The following CABIN1 variants were observed in gnomAD, a reference collection of about 807,000 sequenced individuals.
The protein encoded by CABIN1 is calcineurin-binding protein cabin-1.
CABIN1 carries 133 observed loss-of-function variants against 227.7 expected under a neutral mutation model. That is an observed-to-expected ratio of 0.58 (90% CI 0.51 to 0.67). CABIN1 has a LOEUF of 0.67. Ranked by LOEUF, CABIN1 falls within the 30% of genes least tolerant of loss-of-function variation. CABIN1 has a pLI of 0.00. For missense variants in CABIN1, 2,408 were observed against 2,852.5 expected, an observed-to-expected ratio of 0.84 and a Z score of 3.55; for synonymous variants, 1,086 against 1,155.1, an observed-to-expected ratio of 0.94 and a Z score of 1.21.
chr22:24,091,784 C>CGCTA lies in CABIN1; in HGVS notation c.3728_3731dup (p.Tyr1244Ter), dbSNP rs1569200571. The CGCTA allele has an allele frequency of 6.2e-7, 1 of 1,613,906 alleles. No individual in the cohort carries two copies. Among genetic ancestry groups the CGCTA allele is most frequent in the Admixed American group, 1.7e-5 (1 of 60,024 alleles). The stretch of plus-strand genomic sequence containing the variant: ...CCACTACCTGCACGAGGAGGCTGCC[C>CGCTA]GCTACCCCAAGAAGATCCACTACCA... On this transcript the variant is annotated stop_gained and frameshift_variant, in exon 24 of 37. Transcript: ENST00000263119. LOFTEE classifies it high-confidence loss of function.
chr22:24,123,781 C>T lies in CABIN1; in HGVS notation c.4632+4083C>T, dbSNP rs75378984. Among the ~76,000 whole-genome samples the T allele has an allele frequency of 7.1e-3, 1,079 of 152,346 alleles. 10 individuals carry two copies. The highest frequency in any genetic ancestry group is 0.012 in the Non-Finnish European group (824 of 68,030). On this transcript the variant is annotated intron_variant, in intron 28 of 36. Coordinates refer to ENST00000263119, the MANE Select transcript of CABIN1 (RefSeq NM_012295.4). ...CAGCTGTTTGTTAACAAACACTTCC[C>T]GCTGTGTATATTTGACAGCAGCACA...
intron 1 of CABIN1, among the ~76,000 whole-genome samples, chr22:24,014,543 AG>A (rs1163588346): frequency 1.3e-5 from 2 of 152,158 alleles, no homozygotes; most frequent in Non-Finnish European, 2.9e-5. Flanking sequence ...TATCCAGTCA[AG>A]ATACCATTTT....
chr22:24,042,754 C>G (rs2037474666), intron 5 of CABIN1, 150 bp from the exon 6 acceptor site: 4 of 709,216 alleles, frequency 5.6e-6, no homozygotes, highest in African/African-American at 1.8e-5. Context: ...CTGGGAAGTT[C>G]AAGTGGCTGT....
chr22:24,015,928 A>G (rs1480730088), intron 1 of CABIN1, among the ~76,000 whole-genome samples: 1 of 152,196 alleles, frequency 6.6e-6, no homozygotes, highest in East Asian at 1.9e-4. Context: ...ACTGCACTCC[A>G]GCCAGGGCGA....
chr22:24,073,589 A>G (rs554918362), intron 18 of CABIN1, among the ~76,000 whole-genome samples: 3 of 152,124 alleles, frequency 2.0e-5, no homozygotes, highest in Non-Finnish European at 4.4e-5. Flanking sequence ...TGGCCTTGAC[A>G]GGTTTGTGAT....
chr22:24,128,668 C>T (rs146326817), intron 28 of CABIN1, among the ~76,000 whole-genome samples: 2 of 152,348 alleles, frequency 1.3e-5, no homozygotes, highest in Non-Finnish European at 2.9e-5. Flanking sequence ...CCAAGCCCTC[C>T]ACCACTCCTG....
At chr22:24,176,053 C>T (rs1182612712) in intron 34 of CABIN1, 58 bp from the exon 35 acceptor site, 12 of 1,558,678 alleles carry the variant, frequency 7.7e-6, no homozygotes, top group Middle Eastern at 1.7e-4. Context: ...GACACAGATG[C>T]GTTGGAGCCT....
At chr22:24,084,838 G>A in intron 21 of CABIN1, 53 bp downstream of exon 21, 9 of 1,582,582 alleles carry the variant, frequency 5.7e-6, no homozygotes, top group South Asian at 2.2e-5. Flanking sequence ...ACACTCTTCC[G>A]CTCTGCCACT....
chr22:24,110,205 A>G (rs1267770120), intron 26 of CABIN1, among the ~76,000 whole-genome samples: 1 of 152,154 alleles, frequency 6.6e-6, no homozygotes, highest in Non-Finnish European at 1.5e-5. Context: ...TATCTCTACT[A>G]TTGGTTTATT....
At chr22:24,034,708 T>G (rs887146167) in intron 1 of CABIN1, among the ~76,000 whole-genome samples, 4 of 152,234 alleles carry the variant, frequency 2.6e-5, no homozygotes, top group Non-Finnish European at 4.4e-5. Context: ...GTTGCACCAG[T>G]TTACATTCCC....
chr22:24,060,030 G>A lies in CABIN1; in HGVS notation c.1506G>A (p.Arg502=), dbSNP rs964825361. The change falls in exon 12 of 37, where the codon AGG becomes AGA. Residue 502 remains arginine, a synonymous_variant. Coordinates refer to ENST00000263119, the MANE Select transcript of CABIN1 (RefSeq NM_012295.4). ...CCATGGGCCACAAGTTCTTGGTAAG[G>A]TGGCCTCCAGGCTTGGCGGAGGTCG... The part of the protein sequence containing the change: ...LKAMGHKFLV[R]WPPGLAEVVL... The A allele has an allele frequency of 6.2e-7, 1 of 1,614,186 alleles. No homozygotes were observed. Among genetic ancestry groups the A allele is most frequent in the African/African-American group, 1.3e-5 (1 of 75,040 alleles).
Position 24,084,835 on chromosome 22 carries a change from T to C in CABIN1, c.3117+50T>C, listed in dbSNP as rs2041043894. ...GGGGGACAGGGCTGGGTCACACTCT[T>C]CCGCTCTGCCACTGCTGTATATGCT... On this transcript the variant is annotated intron_variant, in intron 21 of 36. Transcript: ENST00000263119. 4 of 1,590,498 alleles carry C rather than the reference T, an allele frequency of 2.5e-6. No individual in the cohort carries two copies. In the Admixed American group the frequency reaches 6.7e-5, roughly 27 times the overall value.
At chr22:24,071,447 C>T (rs1342803589) in intron 17 of CABIN1, among the ~76,000 whole-genome samples, 4 of 152,124 alleles carry the variant, frequency 2.6e-5, no homozygotes, top group African/African-American at 7.2e-5. Context: ...CACCCTGCAT[C>T]GTCCAGGAAG....
At chr22:24,011,443 G>C (rs1340496243) in intron 1 of CABIN1, 76 bp downstream of exon 1, 2 of 152,584 alleles carry the variant, frequency 1.3e-5, no homozygotes, top group African/African-American at 4.8e-5. Flanking sequence ...GGCACAGGCC[G>C]GAGGGGCTGC....
intron 33 of CABIN1, among the ~76,000 whole-genome samples, chr22:24,171,079 T>C (rs1401965652): frequency 6.6e-6 from 1 of 152,144 alleles, no homozygotes. Context: ...GAGGGAATTG[T>C]GTGGATGAAG....
intron 24 of CABIN1, among the ~76,000 whole-genome samples, chr22:24,094,187 C>T (rs2041733638): frequency 6.6e-6 from 1 of 152,246 alleles, no homozygotes; most frequent in African/African-American, 2.4e-5. Flanking sequence ...GCCCAGCATT[C>T]TCATATGGCA....
intron 23 of CABIN1, among the ~76,000 whole-genome samples, chr22:24,090,516 CATT>C (rs2041473059): frequency 7.1e-6 from 1 of 141,134 alleles, no homozygotes; most frequent in Non-Finnish European, 1.5e-5. Context: ...CCTGTGTGGT[CATT>C]TTTTTTTTTT....
chr22:24,061,619 C>G (rs1460739542), intron 12 of CABIN1, among the ~76,000 whole-genome samples: 2 of 152,210 alleles, frequency 1.3e-5, no homozygotes, highest in Non-Finnish European at 2.9e-5. Flanking sequence ...ACCAGCTGCC[C>G]AGAACTTTTA....
chr22:24,112,329 G>A (rs535049843), intron 26 of CABIN1, among the ~76,000 whole-genome samples: 12 of 152,270 alleles, frequency 7.9e-5, no homozygotes, highest in Admixed American at 7.2e-4. Context: ...GGGTTTTGTT[G>A]TTGCTATGGT....
Sources: allele counts gnomAD v4.1 joint callset (sites outside exome capture counted in the v4.1 genomes callset), GRCh38; gene constraint gnomAD v4.1.1; transcripts MANE v1.5; gene names NCBI Gene and HGNC (gene_info 2026-07-23, HGNC 2026-07-21).